DNAH2: variants seen among roughly 807,000 people sequenced by gnomAD.
DNAH2 encodes dynein axonemal heavy chain 2.
DNAH2 carries 323 observed loss-of-function variants against 523.5 expected under a neutral mutation model. The observed-to-expected ratio is 0.62, with a 90% confidence interval of 0.56 to 0.68. The LOEUF (loss-of-function observed/expected upper bound fraction) is 0.68. DNAH2 is among the 30% of genes least tolerant of loss of function. The probability of loss-of-function intolerance (pLI) is 0.00; values close to 1 mark genes in which losing one functional copy is unlikely to be tolerated. For missense variants in DNAH2, 4,907 were observed against 5,701.5 expected (o/e 0.86, Z 4.49); for synonymous variants, 2,093 against 2,177.4 (o/e 0.96, Z 1.08).
At chr17:7,724,642 C>CA (rs1263682424) in intron 3 of DNAH2, among the ~76,000 whole-genome samples, 3 of 149,762 alleles carry the variant, frequency 2.0e-5, no homozygotes, top group Non-Finnish European at 4.4e-5. Flanking sequence ...AAACAAAACC[C>CA]AAAAAAACAA....
At chr17:7,796,712 T>G (rs569958309) in intron 50 of DNAH2, 60 bp downstream of exon 50, 45 of 1,550,000 alleles carry the variant, frequency 2.9e-5, no homozygotes, top group Non-Finnish European at 3.6e-5. Context: ...AGGCTTTCTC[T>G]TCTCAAACTA....
intron 8 of DNAH2, 127 bp downstream of exon 8, chr17:7,737,385 G>C: frequency 5.8e-6 from 6 of 1,029,150 alleles, no homozygotes; most frequent in Non-Finnish European, 8.4e-6. Context: ...TCTGCTCAGA[G>C]ACTGAGCTCA....
intron 63 of DNAH2, among the ~76,000 whole-genome samples, chr17:7,812,811 TG>T: frequency 8.4e-6 from 1 of 119,642 alleles, no homozygotes; most frequent in East Asian, 2.6e-4. Flanking sequence ...GGCGTGGTGG[TG>T]GGCACCTGTA....
Position 7,818,430 on chromosome 17 carries a change from C to T in DNAH2, c.10506C>T (p.Thr3502=). 6.2e-7 allele frequency: 1 copy of T among 1,614,200 alleles called. No homozygotes were observed. Among genetic ancestry groups the T allele is most frequent in the Non-Finnish European group, 8.5e-7 (1 of 1,180,034 alleles). The change falls in exon 69 of 86, where the codon ACC becomes ACT. Residue 3502 remains threonine (T), a synonymous_variant. Transcript: ENST00000572933. The part of the protein sequence containing the change: ...PHYSPETSAK[T]TIVNFAVKEQ... ...ACAGCCCAGAGACCTCAGCCAAGAC[C>T]ACCATCGTCAACTTTGCTGTTAAAG...
At position 7,786,672 on chromosome 17, in the gene DNAH2, C is replaced by T. The variant is rs778867010; in HGVS notation, c.6451C>T (p.Arg2151Trp). 2.1e-5 allele frequency: 34 copies of T among 1,613,740 alleles called. No individual in the cohort carries two copies. In the Admixed American group the frequency reaches 2.8e-4, roughly 13 times the overall value. The change falls in exon 41 of 86, where the codon CGG becomes TGG. Residue 2151 changes from arginine to tryptophan, a missense_variant. Arg to Trp is a moderately radical substitution (Grantham distance 101). Coordinates refer to ENST00000572933, the MANE Select transcript of DNAH2 (RefSeq NM_020877.5). The surrounding 1 kb of genome is among the most constrained non-coding windows in gnomAD (Gnocchi z 7.5). ...WTDGILSSVM[R>W]TACADEKPDE... Reference sequence around the variant, plus strand: ...AGATGGCATCTTGTCCAGTGTCATGCGGACGGCATGTGCAGGTATCCAGAG... The same window carrying T: ...AGATGGCATCTTGTCCAGTGTCATGTGGACGGCATGTGCAGGTATCCAGAG...
rs1187255796 is a variant in DNAH2, at chr17:7,821,173, A to C, written c.11016-70A>C. ...TGTGAAGCTGTGTGATAGTAGCATCATAGCATTCGCATGGAGCATCAGCCC... is the reference window on the plus strand; with the variant it reads ...TGTGAAGCTGTGTGATAGTAGCATCCTAGCATTCGCATGGAGCATCAGCCC... On this transcript the variant is annotated intron_variant, in intron 72 of 85. Coordinates refer to ENST00000572933, the MANE Select transcript of DNAH2 (RefSeq NM_020877.5). The surrounding 1 kb of genome is among the most constrained non-coding windows in gnomAD (Gnocchi z 5.0). 6.4e-7 allele frequency: 1 copy of C among 1,563,508 alleles called. No individual in the cohort carries two copies. The highest frequency in any genetic ancestry group is 2.3e-5 in the East Asian group (1 of 43,996).
intron 11 of DNAH2, 85 bp downstream of exon 11, chr17:7,741,077 A>T: frequency 6.7e-7 from 1 of 1,492,744 alleles, no homozygotes; most frequent in Non-Finnish European, 9.0e-7. Context: ...TTCCCCAAAG[A>T]GTCTTCAGGA....
intron 9 of DNAH2, 73 bp downstream of exon 9, chr17:7,740,011 G>A: frequency 1.4e-6 from 2 of 1,410,754 alleles, no homozygotes; most frequent in South Asian, 2.4e-5. Flanking sequence ...GGGAGGAGTG[G>A]CGAGAGTATG....
Position 7,793,187 on chromosome 17 carries a change from G to A in DNAH2, c.7551G>A (p.Gln2517=), listed in dbSNP as rs755086646. ...DYGFWYDRTK[Q]TIKYIREMFL... is the part of the protein sequence containing the mutation. ...GCTTCTGGTATGACCGTACGAAGCA[G>A]ACCATCAAGTACATTCGAGTAAGCC... Residue 2517 remains glutamine (Q), a synonymous_variant, in exon 48 of 86, where the codon CAG becomes CAA. Coordinates refer to ENST00000572933, the MANE Select transcript of DNAH2 (RefSeq NM_020877.5). The A allele has an allele frequency of 6.2e-7, 1 of 1,614,058 alleles. No individual in the cohort carries two copies. Among genetic ancestry groups the A allele is most frequent in the Non-Finnish European group, 8.5e-7 (1 of 1,179,958 alleles).
chr17:7,761,003 A>G, intron 18 of DNAH2, 71 bp downstream of exon 18: 1 of 1,563,492 alleles, frequency 6.4e-7, no homozygotes, highest in East Asian at 2.2e-5. Flanking sequence ...CCAGGCCTAG[A>G]GTCTTGGGAA....
chr17:7,787,761 C>G, intron 42 of DNAH2, 99 bp from the exon 43 acceptor site: 2 of 1,126,988 alleles, frequency 1.8e-6, no homozygotes, highest in South Asian at 1.9e-5. Context: ...AAAAGCAAAT[C>G]GTTTGTGAAC....
At chr17:7,751,378 C>A (rs1201296638) in intron 12 of DNAH2, among the ~76,000 whole-genome samples, 4 of 152,108 alleles carry the variant, frequency 2.6e-5, no homozygotes, top group Non-Finnish European at 4.4e-5. Flanking sequence ...CAGGCATGAG[C>A]CACCACACCA....
Position 7,797,180 on chromosome 17 carries a change from T to G in DNAH2, c.7868T>G (p.Phe2623Cys). 1 of 1,613,574 alleles carries G rather than the reference T, an allele frequency of 6.2e-7. No individual in the cohort carries two copies. The highest frequency in any genetic ancestry group is 8.5e-7 in the Non-Finnish European group (1 of 1,179,870). The change falls in exon 51 of 86, where the codon TTC (phenylalanine) becomes TGC (cysteine). Residue 2623 changes from phenylalanine to cysteine, a missense_variant. Around this residue, in one of 3 missense-constraint regions of DNAH2, gnomAD observed 250 missense variants for 371.3 expected, o/e 0.67. Transcript: ENST00000572933. ...LFNLRDISKV[F>C]QGMLRANKDF... is the part of the protein sequence containing the mutation. ...AACAGTCAGTCCTCTTCCCAGGTGT[T>G]CCAGGGCATGCTTAGAGCCAACAAG...
chr17:7,769,165 C>A (rs1325013956), intron 24 of DNAH2, among the ~76,000 whole-genome samples: 1 of 151,160 alleles, frequency 6.6e-6, no homozygotes, highest in East Asian at 1.9e-4. Context: ...CTTTTTTTTT[C>A]CTTTTTTTGT....
rs375254297 is a variant in DNAH2 at position 7,812,695 on chromosome 17, C to T, written c.9730-3876C>T. 8.3e-4 allele frequency among the ~76,000 whole-genome samples: 116 copies of T among 139,192 alleles called. 1 individual carries two copies. The highest frequency in any genetic ancestry group is 2.6e-3 in the African/African-American group (99 of 37,776). The allele number at this position is 139,192 out of a possible 152,430, so 91.3% of individuals were successfully genotyped here. ...CAGCACTCTGGGAGGCCGAGGTGTG[C>T]GGATCACCCAAGGTCAGGAGTTTGA... On this transcript the variant is annotated intron_variant, in intron 63 of 85. Transcript: ENST00000572933.
At position 7,760,991 on chromosome 17, in the gene DNAH2, G is replaced by A; in HGVS notation, c.2978+59G>A. 6.3e-7 allele frequency: 1 copy of A among 1,592,054 alleles called. No homozygotes were observed. The highest frequency in any genetic ancestry group is 1.3e-5 in the African/African-American group (1 of 74,562). On this transcript the variant is annotated intron_variant, in intron 18 of 85. Coordinates refer to ENST00000572933, the MANE Select transcript of DNAH2 (RefSeq NM_020877.5). The surrounding 1 kb of genome is among the most constrained non-coding windows in gnomAD (Gnocchi z 4.0). ...TAGGAGGCACAGCACTGCAGGAGGA[G>A]CCCAGGCCTAGAGTCTTGGGAAGTG... is the stretch of plus-strand genomic sequence containing the variant.
At chr17:7,766,523 G>A (rs1463222678) in intron 22 of DNAH2, 42 bp downstream of exon 22, 1 of 1,597,198 alleles carries the variant, frequency 6.3e-7, no homozygotes, top group East Asian at 2.3e-5. Flanking sequence ...TGTCGATAAG[G>A]GGCAGGGACA....
At chr17:7,751,103 T>TA (rs1191815810) in intron 12 of DNAH2, among the ~76,000 whole-genome samples, 4 of 151,820 alleles carry the variant, frequency 2.6e-5, no homozygotes, top group African/African-American at 7.3e-5. Context: ...CCCTGCAGAT[T>TA]AAAAAAAATC....
chr17:7,824,625 T>G lies in DNAH2; in HGVS notation c.11751T>G (p.Asp3917Glu), dbSNP rs1456252221. 1.2e-6 allele frequency: 2 copies of G among 1,608,980 alleles called. No homozygotes were observed. Among genetic ancestry groups the G allele is most frequent in the Admixed American group, 3.3e-5 (2 of 59,716 alleles). Residue 3917 changes from aspartate to glutamate, a missense_variant, in exon 77 of 86, where the codon GAT (aspartate) becomes GAG (glutamate). Transcript: ENST00000572933. ...DKLVEQLQVE[D>E]PHPSFRLWLS... ...TGGTGGAGCAGCTGCAGGTGGAGGA[T>G]CCTCATCCATCCTTCCGCCTCTGGC...
Sources: gnomAD v4.1 joint callset for allele counts (sites outside exome capture counted in the v4.1 genomes callset) on GRCh38, gnomAD v4.1.1 for gene constraint, gnomAD v4.1.1 regional missense constraint, Gnocchi (gnomAD v3.1) non-coding constraint, MANE v1.5 for transcripts, NCBI Gene and HGNC (gene_info 2026-07-23, HGNC 2026-07-21) for gene names.